Variants in DMD observed in about 807,000 individuals in gnomAD.
DMD encodes the protein dystrophin.
DMD carries 63 observed loss-of-function variants against 330.1 expected under a neutral mutation model. That is an observed-to-expected ratio of 0.19 (90% CI 0.16 to 0.24). DMD has a LOEUF of 0.24. Among genes scored for constraint, DMD ranks in the 10% least tolerant of loss-of-function variants. The pLI is 1.00. For missense variants in DMD, 3,344 were observed against 2,684.1 expected (o/e 1.25, Z -5.43); for synonymous variants, 1,223 against 959.8 (o/e 1.27, Z -5.07).
chrX:32,632,673 A>G (rs2058815772), intron 11 of DMD, among the ~76,000 whole-genome samples: 1 of 102,449 alleles, frequency 9.8e-6, no homozygotes, highest in Non-Finnish European at 2.0e-5. Flanking sequence ...CTGTGGCCCA[A>G]GCTGTACTTG....
intron 9 of DMD, among the ~76,000 whole-genome samples, chrX:32,682,322 G>C (rs778230216): frequency 8.4e-4 from 94 of 111,255 alleles, no homozygotes; most frequent in African/African-American, 3.0e-3. Context: ...GCTCATCTTA[G>C]ACAGCTATAT....
intron 44 of DMD, among the ~76,000 whole-genome samples, chrX:32,150,966 T>A (rs2096800998): frequency 9.0e-6 from 1 of 111,362 alleles, no homozygotes; most frequent in South Asian, 3.8e-4. Context: ...GAGAAGCACA[T>A]GACACCTAAA....
intron 1 of DMD, among the ~76,000 whole-genome samples, chrX:33,247,280 C>T (rs1162134356): frequency 9.0e-6 from 1 of 111,482 alleles, no homozygotes; most frequent in Non-Finnish European, 1.9e-5. Flanking sequence ...TACAATGTAA[C>T]AGATAACCTG....
intron 17 of DMD, among the ~76,000 whole-genome samples, chrX:32,531,686 A>C (rs1014553490): frequency 9.0e-6 from 1 of 111,400 alleles, no homozygotes; most frequent in Non-Finnish European, 1.9e-5. Flanking sequence ...ACTCAAGAAC[A>C]GGTCTGTCTG....
At chrX:32,759,852 G>C (rs371625715) in intron 7 of DMD, among the ~76,000 whole-genome samples, 9 of 64,658 alleles carry the variant, frequency 1.4e-4, no homozygotes, top group Non-Finnish European at 2.2e-4. Flanking sequence ...TTGGGGGGGG[G>C]GGGGGGGCGG....
At chrX:31,321,183 C>T (rs978770299) in intron 62 of DMD, among the ~76,000 whole-genome samples, 7 of 111,626 alleles carry the variant, frequency 6.3e-5, no homozygotes, top group East Asian at 2.8e-4. Context: ...CTGAGATCTT[C>T]GGTTTTTAAG....
chrX:32,962,879 T>C (rs2091959233), intron 2 of DMD, among the ~76,000 whole-genome samples: 1 of 111,248 alleles, frequency 9.0e-6, no homozygotes, highest in African/African-American at 3.3e-5. Flanking sequence ...GAAGCTTTCA[T>C]ACAATACCCT....
At chrX:32,025,480 A>G (rs1019641022) in intron 44 of DMD, among the ~76,000 whole-genome samples, 8 of 111,946 alleles carry the variant, frequency 7.1e-5, no homozygotes, top group African/African-American at 2.6e-4. Context: ...GCACAGAGAC[A>G]GAACATTTTT....
At chrX:33,303,084 T>G (rs771638868) in intron 1 of DMD, among the ~76,000 whole-genome samples, 1 of 111,708 alleles carries the variant, frequency 9.0e-6, no homozygotes, top group African/African-American at 3.2e-5. Flanking sequence ...TTTTCATGGC[T>G]CAGTAGCTCA....
At chrX:32,123,975 C>A (rs73619029) in intron 44 of DMD, among the ~76,000 whole-genome samples, 1 of 111,635 alleles carries the variant, frequency 9.0e-6, no homozygotes, top group Non-Finnish European at 1.9e-5. Context: ...TGAGGTGATA[C>A]TTAAAAAATA....
intron 7 of DMD, among the ~76,000 whole-genome samples, chrX:32,742,351 A>G (rs912753585): frequency 1.8e-5 from 2 of 112,144 alleles, no homozygotes; most frequent in Non-Finnish European, 3.8e-5. Context: ...CCAATAGGAT[A>G]AAATACATCA....
At chrX:31,304,560 C>T (rs1214299403) in intron 62 of DMD, among the ~76,000 whole-genome samples, 1 of 108,041 alleles carries the variant, frequency 9.3e-6, no homozygotes, top group African/African-American at 3.4e-5. Flanking sequence ...TTATGTAAAT[C>T]ATATGCATAT....
At chrX:31,619,406 TA>T (rs2078399227) in intron 55 of DMD, among the ~76,000 whole-genome samples, 1 of 110,628 alleles carries the variant, frequency 9.0e-6, no homozygotes, top group East Asian at 2.8e-4. Context: ...TATTCTTTAT[TA>T]ATTAATATAA....
At chrX:32,618,311 C>A (rs977186955) in intron 11 of DMD, among the ~76,000 whole-genome samples, 6 of 112,116 alleles carry the variant, frequency 5.4e-5, no homozygotes, top group Admixed American at 9.5e-5. Flanking sequence ...TAAACACATA[C>A]CATGGAATAC....
At chrX:32,252,853 T>C (rs1481292790) in intron 43 of DMD, among the ~76,000 whole-genome samples, 1 of 71,907 alleles carries the variant, frequency 1.4e-5, no homozygotes, top group South Asian at 5.9e-4. Flanking sequence ...AATATATAAA[T>C]ATATATAAAT....
At chrX:31,874,272 G>A (rs2093935790) in intron 48 of DMD, among the ~76,000 whole-genome samples, 1 of 111,362 alleles carries the variant, frequency 9.0e-6, no homozygotes, top group Admixed American at 9.6e-5. Context: ...GAAATTACAT[G>A]GATGGAAAGG....
intron 29 of DMD, among the ~76,000 whole-genome samples, chrX:32,418,751 G>C (rs764447066): frequency 1.8e-5 from 2 of 109,425 alleles, no homozygotes; most frequent in South Asian, 7.7e-4. Flanking sequence ...CCTTAAAGAA[G>C]TTGACACTTC....
intron 44 of DMD, among the ~76,000 whole-genome samples, chrX:32,064,100 T>C (rs1199626587): frequency 9.0e-6 from 1 of 111,459 alleles, no homozygotes; most frequent in East Asian, 2.8e-4. Flanking sequence ...TATTTCAATG[T>C]ATATGAGATA....
At chrX:31,811,309 G>A (rs751549873) in intron 50 of DMD, among the ~76,000 whole-genome samples, 1 of 112,076 alleles carries the variant, frequency 8.9e-6, no homozygotes, top group African/African-American at 3.2e-5. Flanking sequence ...GAGCATTGTT[G>A]AAGGACCTGG....
Sources: gnomAD v4.1 joint callset for allele counts (sites outside exome capture counted in the v4.1 genomes callset) on GRCh38, gnomAD v4.1.1 for gene constraint, MANE v1.5 for transcripts, NCBI Gene and HGNC (gene_info 2026-07-23, HGNC 2026-07-21) for gene names.